The following KATNIP variants were observed in gnomAD, a reference collection of about 807,000 sequenced individuals.
KATNIP encodes the protein katanin interacting protein, also known as katanin-interacting protein.
Under a neutral mutation model 174.0 loss-of-function variants are expected in KATNIP, and 126 were observed. The observed-to-expected ratio is 0.72, with a 90% CI of 0.63 to 0.84. The LOEUF (loss-of-function observed/expected upper bound fraction) is 0.84. KATNIP is among the 40% of genes least tolerant of loss of function. The probability of loss-of-function intolerance (pLI) is 0.00; values close to 1 mark genes in which losing one functional copy is unlikely to be tolerated. For missense variants in KATNIP, 1,958 were observed against 2,109.7 expected, an observed-to-expected ratio of 0.93 and a Z score of 1.41; for synonymous variants, 810 against 835.7, an observed-to-expected ratio of 0.97 and a Z score of 0.53.
chr16:27,607,622 G>C (rs1335066165), intron 2 of KATNIP, among the ~76,000 whole-genome samples: 1 of 133,134 alleles, frequency 7.5e-6, no homozygotes, highest in Non-Finnish European at 1.6e-5. Context: ...TTTTGAGATG[G>C]AACCTCACTC....
chr16:27,623,144 C>T (rs932474232), intron 3 of KATNIP, among the ~76,000 whole-genome samples: 1 of 152,212 alleles, frequency 6.6e-6, no homozygotes, highest in African/African-American at 2.4e-5. Context: ...AGCCAGTGCT[C>T]TCTCCTCTGA....
At chr16:27,670,809 A>T (rs564000735) in intron 6 of KATNIP, among the ~76,000 whole-genome samples, 1 of 152,204 alleles carries the variant, frequency 6.6e-6, no homozygotes, top group African/African-American at 2.4e-5. Flanking sequence ...AAATTACAAA[A>T]TTGGATGCCT....
intron 6 of KATNIP, among the ~76,000 whole-genome samples, chr16:27,653,656 C>CTT (rs869309905): frequency 5.5e-5 from 8 of 144,752 alleles, no homozygotes; most frequent in Non-Finnish European, 7.6e-5. Context: ...GATTTTCCCA[C>CTT]TTTTTTTTTT....
At chr16:27,553,797 C>T (rs1015226382) in intron 1 of KATNIP, among the ~76,000 whole-genome samples, 3 of 151,680 alleles carry the variant, frequency 2.0e-5, no homozygotes, top group Non-Finnish European at 4.4e-5. Context: ...TTAGTGAGAC[C>T]CCATCTCTGT....
chr16:27,699,894 A>T (rs1428186291), intron 10 of KATNIP, among the ~76,000 whole-genome samples: 6 of 151,870 alleles, frequency 4.0e-5, no homozygotes, highest in East Asian at 1.9e-4. Flanking sequence ...ATTTCTATTT[A>T]TTTATTTTTT....
At chr16:27,748,013 C>T (rs1300743041) in intron 15 of KATNIP, among the ~76,000 whole-genome samples, 1 of 152,134 alleles carries the variant, frequency 6.6e-6, no homozygotes, top group Non-Finnish European at 1.5e-5. Flanking sequence ...GAGTACAGGG[C>T]ACAGTGCGAT....
At chr16:27,569,285 CAA>C (rs1429695667) in intron 1 of KATNIP, among the ~76,000 whole-genome samples, 1 of 152,204 alleles carries the variant, frequency 6.6e-6, no homozygotes, top group Non-Finnish European at 1.5e-5. Flanking sequence ...TCATCTAGAG[CAA>C]AGTGTCAGAA....
chr16:27,579,385 T>C (rs1236504837), intron 2 of KATNIP, among the ~76,000 whole-genome samples: 1 of 152,212 alleles, frequency 6.6e-6, no homozygotes, highest in Non-Finnish European at 1.5e-5. Context: ...CCCTCTCACC[T>C]TGTTTGATAA....
chr16:27,713,999 A>C (rs1361138905), intron 13 of KATNIP, among the ~76,000 whole-genome samples: 1 of 150,484 alleles, frequency 6.6e-6, no homozygotes, highest in Non-Finnish European at 1.5e-5. Flanking sequence ...TCTGCTTCAC[A>C]CACCCCCGCC....
At chr16:27,566,168 C>T (rs969941505) in intron 1 of KATNIP, among the ~76,000 whole-genome samples, 11 of 152,114 alleles carry the variant, frequency 7.2e-5, no homozygotes, top group African/African-American at 1.4e-4. Context: ...TGTCCCCATC[C>T]TGCCACCTTC....
chr16:27,763,574 C>T (rs906708618), intron 19 of KATNIP, among the ~76,000 whole-genome samples: 5 of 140,860 alleles, frequency 3.5e-5, no homozygotes, highest in Admixed American at 2.2e-4. Context: ...GTGATTGTGC[C>T]ACTACATTCC....
chr16:27,725,650 G>C (rs2143083251), intron 14 of KATNIP, among the ~76,000 whole-genome samples: 1 of 152,286 alleles, frequency 6.6e-6, no homozygotes, highest in East Asian at 1.9e-4. Flanking sequence ...GAAACCGATA[G>C]TCTCCCTTCT....
intron 15 of KATNIP, among the ~76,000 whole-genome samples, chr16:27,746,398 G>GA (rs993539110): frequency 2.0e-5 from 3 of 152,226 alleles, no homozygotes; most frequent in Non-Finnish European, 4.4e-5. Flanking sequence ...TGCCTGAGGG[G>GA]AGAGGATGGA....
intron 2 of KATNIP, among the ~76,000 whole-genome samples, chr16:27,597,946 G>T (rs1349326680): frequency 6.6e-6 from 1 of 152,152 alleles, no homozygotes; most frequent in Non-Finnish European, 1.5e-5. Flanking sequence ...CATGCATTTG[G>T]GCCGGGCATG....
chr16:27,684,965 AAT>A (rs1190678414), intron 8 of KATNIP, among the ~76,000 whole-genome samples: 1 of 152,216 alleles, frequency 6.6e-6, no homozygotes, highest in African/African-American at 2.4e-5. Context: ...TTCAACCCAT[AAT>A]ATATGCTTTC....
chr16:27,692,932 C>G (rs947011595), intron 8 of KATNIP, among the ~76,000 whole-genome samples: 1 of 152,146 alleles, frequency 6.6e-6, no homozygotes, highest in Non-Finnish European at 1.5e-5. Flanking sequence ...CTCATTTCTG[C>G]GTTAGGGGCG....
chr16:27,749,410 C>T (rs533020228), intron 15 of KATNIP, among the ~76,000 whole-genome samples, 174 bp from the exon 16 acceptor site: 110 of 152,276 alleles, frequency 7.2e-4, no homozygotes, highest in African/African-American at 2.5e-3. Flanking sequence ...CATCCAGTGC[C>T]AAGAGGCCTC....
In KATNIP at chr16:27,592,098, C is replaced by T. The variant is rs116535498; in HGVS notation, c.63+18142C>T. ...TGGGAGACGACCAAGGACAGAACCC[C>T]ATGACATGCCACCCTTCCAGGGAAA... On this transcript the variant is annotated intron_variant, in intron 2 of 27. Coordinates refer to ENST00000261588, the MANE Select transcript of KATNIP (RefSeq NM_015202.5). Among the ~76,000 whole-genome samples, 314 of 152,170 alleles carry T rather than the reference C, an allele frequency of 2.1e-3. 3 individuals carry two copies. The highest frequency in any genetic ancestry group is 6.7e-3 in the African/African-American group (278 of 41,526).
At chr16:27,700,258 C>A (rs915829612) in intron 10 of KATNIP, among the ~76,000 whole-genome samples, 5 of 152,070 alleles carry the variant, frequency 3.3e-5, no homozygotes, top group Non-Finnish European at 7.4e-5. Flanking sequence ...GATCTTAGTA[C>A]CTTGAATAAA....
Sources: allele counts gnomAD v4.1 joint callset (sites outside exome capture counted in the v4.1 genomes callset), GRCh38; gene constraint gnomAD v4.1.1; transcripts MANE v1.5; gene names NCBI Gene and HGNC (gene_info 2026-07-23, HGNC 2026-07-21).